Variants in SDF2 observed in about 807,000 individuals in gnomAD.
The protein encoded by SDF2 is stromal cell derived factor 2, also known as stromal cell-derived factor 2.
In SDF2, 12 loss-of-function variants were observed where a neutral mutation model predicts 20.5. The ratio of observed to expected loss-of-function variants is 0.58; its 90% CI spans 0.37 to 0.95. The LOEUF (loss-of-function observed/expected upper bound fraction) is 0.95, where lower values mean the gene tolerates loss of function less well. SDF2 is among the 40% of genes least tolerant of loss of function. The pLI is 0.01. For missense variants in SDF2, 238 were observed against 263.1 expected, an observed-to-expected ratio of 0.90 and a Z score of 0.66; for synonymous variants, 100 against 101.0, an observed-to-expected ratio of 0.99 and a Z score of 0.06.
intron 1 of SDF2, chr17:28,660,837 C>A (rs1225445174): frequency 1.2e-5 from 2 of 164,660 alleles, no homozygotes; most frequent in Non-Finnish European, 2.7e-5. Flanking sequence ...TACCAGCTAT[C>A]TTAGATGCCT....
chr17:28,652,272 T>C lies in SDF2; in HGVS notation c.349-2996A>G, dbSNP rs570299741. ...CAAATAAAAATTTATAGATATGTAATATATACACGAGTAAGCACACACAGG... is the reference window on the plus strand; with the variant it reads ...CAAATAAAAATTTATAGATATGTAACATATACACGAGTAAGCACACACAGG... On this transcript the variant is annotated intron_variant, in intron 2 of 2. Coordinates refer to ENST00000247020, the MANE Select transcript of SDF2 (RefSeq NM_006923.4). Among the ~76,000 whole-genome samples, 17 of 152,236 alleles carry C rather than the reference T, an allele frequency of 1.1e-4. No individual in the cohort carries two copies. In the South Asian group the frequency reaches 3.5e-3, roughly 32 times the overall value.
Position 28,657,568 on chromosome 17 carries a change from T to G in SDF2, c.152-2085A>C, listed in dbSNP as rs190298676. Among the ~76,000 whole-genome samples, 94 of 152,098 alleles carry G rather than the reference T, an allele frequency of 6.2e-4. 1 individual carries two copies. Among genetic ancestry groups the G allele is most frequent in the Admixed American group, 3.6e-3 (55 of 15,270 alleles). ...GCCTGCCACCACACCTGGCTAATTT[T>G]TCTATTTTTTGTAGAGATGGGTTTT... On this transcript the variant is annotated intron_variant, in intron 1 of 2. Coordinates refer to ENST00000247020, the MANE Select transcript of SDF2 (RefSeq NM_006923.4).
chr17:28,653,345 A>G (rs887058517), intron 2 of SDF2, among the ~76,000 whole-genome samples: 1 of 152,214 alleles, frequency 6.6e-6, no homozygotes, highest in African/African-American at 2.4e-5. Flanking sequence ...AATCACAAGA[A>G]AAACAAATTC....
In SDF2 at chr17:28,655,402, G is replaced by A; in HGVS notation, c.233C>T (p.Thr78Ile). 6.2e-7 allele frequency: 1 copy of A among 1,614,224 alleles called. No homozygotes were observed. The highest frequency in any genetic ancestry group is 8.5e-7 in the Non-Finnish European group (1 of 1,180,028). ...SYWRIRGKSA[T>I]VCERGTPIKC... ...GATGGGGGTTCCCCTCTCACACACTGTGGCACTCTTCCCCCGTATCCTCCA... is the reference window on the plus strand; with the variant it reads ...GATGGGGGTTCCCCTCTCACACACTATGGCACTCTTCCCCCGTATCCTCCA... Residue 78 changes from threonine to isoleucine, a missense_variant, in exon 2 of 3, where the codon ACA becomes ATA. Physicochemically the swap from Thr to Ile is moderately conservative, Grantham distance 89. Transcript: ENST00000247020.
At chr17:28,656,231 C>A (rs1217013248) in intron 1 of SDF2, 1 of 151,792 alleles carries the variant, frequency 6.6e-6, no homozygotes, top group East Asian at 1.9e-4. Context: ...CTTGACCTCC[C>A]AAAGTGCTGG....
intron 1 of SDF2, 165 bp from the exon 2 acceptor site, chr17:28,655,648 G>C: frequency 1.5e-6 from 1 of 662,110 alleles, no homozygotes; most frequent in Non-Finnish European, 2.6e-6. Flanking sequence ...TGCTCTACAA[G>C]AGACTGAAGA....
intron 2 of SDF2, among the ~76,000 whole-genome samples, chr17:28,649,664 G>A (rs1169005712): frequency 6.7e-6 from 1 of 148,852 alleles, no homozygotes; most frequent in Admixed American, 6.7e-5. Flanking sequence ...AACCCGGGAG[G>A]CGGAGGTTGC....
At chr17:28,650,519 C>T (rs924332832) in intron 2 of SDF2, among the ~76,000 whole-genome samples, 2 of 150,970 alleles carry the variant, frequency 1.3e-5, no homozygotes, top group Non-Finnish European at 2.9e-5. Flanking sequence ...GGTACGGTAG[C>T]TCATGCCTGT....
Position 28,649,212 on chromosome 17 carries a change from TTACAGAG to T in SDF2, c.406_412del (p.Leu136MetfsTer6). 1 of 1,614,184 alleles carries T rather than the reference TTACAGAG, an allele frequency of 6.2e-7. No individual in the cohort carries two copies. The highest frequency in any genetic ancestry group is 8.5e-7 in the Non-Finnish European group (1 of 1,180,020). Reference sequence around the variant, plus strand: ...ACCATCTCTCACCCAGTAGGGTCCATTACAGAGCACTGTCCAGTCATCCAGATAATCA... The same window carrying T: ...ACCATCTCTCACCCAGTAGGGTCCATCACTGTCCAGTCATCCAGATAATCA... On this transcript the variant is annotated frameshift_variant, in exon 3 of 3. Coordinates refer to ENST00000247020, the MANE Select transcript of SDF2 (RefSeq NM_006923.4). LOFTEE classifies it high-confidence loss of function.
At chr17:28,657,601 T>A (rs2071975856) in intron 1 of SDF2, among the ~76,000 whole-genome samples, 1 of 151,996 alleles carries the variant, frequency 6.6e-6, no homozygotes, top group Admixed American at 6.6e-5. Flanking sequence ...TTTTGCCATG[T>A]TGCCCAGGCT....
chr17:28,659,909 T>C (rs2072007631), intron 1 of SDF2, among the ~76,000 whole-genome samples: 4 of 152,296 alleles, frequency 2.6e-5, no homozygotes, highest in Admixed American at 1.3e-4. Context: ...GTGGAAGTTG[T>C]AGTGAGCCAA....
At chr17:28,657,366 G>A (rs1044512012) in intron 1 of SDF2, among the ~76,000 whole-genome samples, 1 of 151,926 alleles carries the variant, frequency 6.6e-6, no homozygotes, top group African/African-American at 2.4e-5. Context: ...CAGCAACATA[G>A]CAAAATGCAG....
Position 28,648,769 on chromosome 17 carries a change from C to T in SDF2, c.*220G>A. ...GCATCTGCCCCTTTACCAGCAAGTC[C>T]TCTACTCAGAAAGAACTGACCCACG... On this transcript the variant is annotated 3_prime_UTR_variant, in exon 3 of 3. Transcript: ENST00000247020. The T allele has an allele frequency of 1.0e-5, 6 of 587,560 alleles. No homozygotes were observed. The highest frequency in any genetic ancestry group is 1.8e-5 in the Non-Finnish European group (6 of 330,202). 36.4% of individuals were successfully genotyped at this position (587,560 alleles called of 1,614,324 possible).
chr17:28,652,262 A>G (rs1485538404), intron 2 of SDF2, among the ~76,000 whole-genome samples: 1 of 152,194 alleles, frequency 6.6e-6, no homozygotes, highest in Non-Finnish European at 1.5e-5. Context: ...AAAAATTTAT[A>G]GATATGTAAT....
intron 1 of SDF2, among the ~76,000 whole-genome samples, chr17:28,659,403 CG>C (rs2151585048): frequency 7.0e-6 from 1 of 142,480 alleles, no homozygotes; most frequent in East Asian, 2.3e-4. Flanking sequence ...GATGGGGTGG[CG>C]GCCGGGCAGA....
At chr17:28,660,738 T>C (rs2072022640) in intron 1 of SDF2, 1 of 156,378 alleles carries the variant, frequency 6.4e-6, no homozygotes, top group Non-Finnish European at 1.4e-5. Context: ...ATCAGATGGG[T>C]TTTGGGAATC....
At position 28,657,389 on chromosome 17, in the gene SDF2, C is replaced by CAT. The variant is rs201315179; in HGVS notation, c.152-1908_152-1907dup. 6.8e-4 allele frequency among the ~76,000 whole-genome samples: 103 copies of CAT among 151,294 alleles called. 1 individual carries two copies. Among genetic ancestry groups the CAT allele is most frequent in the African/African-American group, 2.0e-3 (82 of 41,250 alleles). ...TAGCAAAATGCAGTCTCTAAACGTA[C>CAT]ATATATATATATGTATTTTTTTTTT... is the stretch of plus-strand genomic sequence containing the variant. On this transcript the variant is annotated intron_variant, in intron 1 of 2. Transcript: ENST00000247020.
At chr17:28,651,359 C>T (rs181296035) in intron 2 of SDF2, 1 of 152,354 alleles carries the variant, frequency 6.6e-6, no homozygotes, top group Non-Finnish European at 1.5e-5. Flanking sequence ...CCACCACATT[C>T]TGCCCTTAAA....
chr17:28,659,702 T>C (rs1258465202), intron 1 of SDF2, among the ~76,000 whole-genome samples: 2 of 140,990 alleles, frequency 1.4e-5, no homozygotes, highest in Non-Finnish European at 1.5e-5. Flanking sequence ...GCAGAGGTGC[T>C]CCTCACTTCC....
Sources: allele counts gnomAD v4.1 joint callset (sites outside exome capture counted in the v4.1 genomes callset), GRCh38; gene constraint gnomAD v4.1.1; transcripts MANE v1.5; gene names NCBI Gene and HGNC (gene_info 2026-07-23, HGNC 2026-07-21).